Variants in CLHC1 observed in about 807,000 individuals in gnomAD.
CLHC1 encodes the protein clathrin heavy chain linker domain-containing protein 1.
A neutral mutation model predicts 69.5 loss-of-function variants in CLHC1; 72 were observed. The ratio of observed to expected loss-of-function variants is 1.04; its 90% CI spans 0.86 to 1.26. The LOEUF (loss-of-function observed/expected upper bound fraction) is 1.26, where lower values mean the gene tolerates loss of function less well. CLHC1 is among the 50% of genes most tolerant of loss of function. The probability of loss-of-function intolerance (pLI) is 0.00; values close to 1 mark genes in which losing one functional copy is unlikely to be tolerated. For missense variants in CLHC1, 790 were observed against 679.3 expected (o/e 1.16, Z -1.81); for synonymous variants, 223 against 224.3 (o/e 0.99, Z 0.05).
intron 2 of CLHC1, among the ~76,000 whole-genome samples, chr2:55,222,789 C>T (rs925993187): frequency 1.3e-5 from 2 of 151,932 alleles, no homozygotes; most frequent in East Asian, 1.9e-4. Flanking sequence ...GGCGTGGTGG[C>T]GCATGCCTGT....
intron 1 of CLHC1, among the ~76,000 whole-genome samples, chr2:55,231,686 G>C (rs1050871234): frequency 6.6e-6 from 1 of 152,138 alleles, no homozygotes; most frequent in African/African-American, 2.4e-5. Flanking sequence ...AGGACAGGGA[G>C]AACTTGCTTC....
At chr2:55,190,102 T>G (rs1488669301) in intron 9 of CLHC1, among the ~76,000 whole-genome samples, 1 of 152,114 alleles carries the variant, frequency 6.6e-6, no homozygotes, top group African/African-American at 2.4e-5. Context: ...TGGAGTGCAG[T>G]GGCGTGATCT....
chr2:55,206,101 T>G (rs1672415870), intron 9 of CLHC1, among the ~76,000 whole-genome samples, 169 bp downstream of exon 9: 1 of 152,206 alleles, frequency 6.6e-6, no homozygotes, highest in Admixed American at 6.5e-5. Flanking sequence ...TAATGTAATT[T>G]AGAAAATCTA....
intron 9 of CLHC1, among the ~76,000 whole-genome samples, chr2:55,202,687 A>T (rs1353143703): frequency 2.0e-5 from 3 of 152,136 alleles, no homozygotes. Flanking sequence ...ACTTGAGGTC[A>T]GGAGTTCAAG....
At chr2:55,193,340 T>G (rs1671107168) in intron 9 of CLHC1, among the ~76,000 whole-genome samples, 1 of 151,766 alleles carries the variant, frequency 6.6e-6, no homozygotes, top group South Asian at 2.1e-4. Flanking sequence ...TTTTTTAAAT[T>G]AAAAAGAGTG....
At chr2:55,206,782 C>G (rs940662724) in intron 8 of CLHC1, 1 of 184,760 alleles carries the variant, frequency 5.4e-6, no homozygotes, top group Non-Finnish European at 1.1e-5. Flanking sequence ...TTAGAAACAT[C>G]GCCTAAAGGA....
intron 9 of CLHC1, among the ~76,000 whole-genome samples, chr2:55,197,471 C>G (rs1262493872): frequency 1.3e-5 from 2 of 152,166 alleles, no homozygotes; most frequent in African/African-American, 2.4e-5. Flanking sequence ...GTGTTCCACC[C>G]CTTCTCCAGC....
intron 2 of CLHC1, among the ~76,000 whole-genome samples, chr2:55,227,653 G>A (rs952023583): frequency 1.3e-5 from 2 of 148,262 alleles, no homozygotes; most frequent in African/African-American, 5.0e-5. Context: ...ACTCCAGCCT[G>A]GGCAATAGAG....
intron 2 of CLHC1, chr2:55,225,089 G>C (rs1674564087): frequency 6.5e-6 from 1 of 154,356 alleles, no homozygotes; most frequent in Admixed American, 6.5e-5. Context: ...AACCCGGCCA[G>C]GTGCCCCCGC....
At chr2:55,212,529 T>G (rs1673106304) in intron 5 of CLHC1, 144 bp downstream of exon 5, 4 of 661,738 alleles carry the variant, frequency 6.0e-6, no homozygotes, top group South Asian at 3.9e-5. Flanking sequence ...TGAATCTACC[T>G]ACAGTCCTGA....
intron 5 of CLHC1, 63 bp from the exon 6 acceptor site, chr2:55,209,894 G>T: frequency 9.5e-7 from 1 of 1,049,292 alleles, no homozygotes; most frequent in Non-Finnish European, 1.4e-6. Context: ...TGCTCAAAGA[G>T]CAAGTCTTAG....
intron 9 of CLHC1, among the ~76,000 whole-genome samples, chr2:55,203,312 C>T (rs1490078279): frequency 6.6e-6 from 1 of 152,040 alleles, no homozygotes; most frequent in Non-Finnish European, 1.5e-5. Context: ...GAATCAACTC[C>T]CAAATTTATA....
intron 9 of CLHC1, among the ~76,000 whole-genome samples, chr2:55,201,399 A>G (rs1257789746): frequency 6.6e-6 from 1 of 152,170 alleles, no homozygotes; most frequent in Non-Finnish European, 1.5e-5. Context: ...ACTATATGCC[A>G]ATAAACTGGA....
intron 4 of CLHC1, among the ~76,000 whole-genome samples, chr2:55,215,426 T>A (rs1337493307): frequency 6.6e-6 from 1 of 152,222 alleles, no homozygotes; most frequent in Non-Finnish European, 1.5e-5. Flanking sequence ...TGAGATATAG[T>A]TCACATACTT....
At chr2:55,226,360 G>C (rs1414361924) in intron 2 of CLHC1, among the ~76,000 whole-genome samples, 2 of 152,090 alleles carry the variant, frequency 1.3e-5, no homozygotes, top group Non-Finnish European at 2.9e-5. Context: ...CCTAATTACA[G>C]AAGCATACTC....
intron 11 of CLHC1, among the ~76,000 whole-genome samples, chr2:55,179,176 A>G (rs2103662656): frequency 6.6e-6 from 1 of 152,290 alleles, no homozygotes; most frequent in East Asian, 1.9e-4. Context: ...ATAGTTAACA[A>G]CACAGAAACT....
intron 10 of CLHC1, 25 bp from the exon 11 acceptor site, chr2:55,180,737 A>C (rs756531547): frequency 1.3e-6 from 2 of 1,597,250 alleles, no homozygotes; most frequent in African/African-American, 1.3e-5. Flanking sequence ...TCAATAAGAC[A>C]TATGTTAGAA....
At chr2:55,192,888 CT>C (rs71410488) in intron 9 of CLHC1, among the ~76,000 whole-genome samples, 1,866 of 117,196 alleles carry the variant, frequency 0.016, 8 homozygotes, top group Middle Eastern at 0.045. Context: ...ATCTCTGTGA[CT>C]TTTTTTTTTT....
chr2:55,189,649 G>A (rs868376244), intron 9 of CLHC1, among the ~76,000 whole-genome samples: 12 of 152,138 alleles, frequency 7.9e-5, no homozygotes, highest in Non-Finnish European at 1.0e-4. Context: ...AAGATCATAG[G>A]GCAGAGTACC....
Sources: gnomAD v4.1 joint callset for allele counts (sites outside exome capture counted in the v4.1 genomes callset) on GRCh38, gnomAD v4.1.1 for gene constraint, MANE v1.5 for transcripts, NCBI Gene and HGNC (gene_info 2026-07-23, HGNC 2026-07-21) for gene names.